The following TSPAN14 variants were observed in gnomAD, a reference collection of about 807,000 sequenced individuals.
TSPAN14 encodes tetraspanin-14.
A neutral mutation model predicts 36.6 loss-of-function variants in TSPAN14; 16 were observed. The observed-to-expected ratio is 0.44, with a 90% CI of 0.30 to 0.66. The LOEUF is 0.66. TSPAN14 is among the 30% of genes least tolerant of loss of function. The probability of loss-of-function intolerance (pLI) is 0.12; values close to 1 mark genes in which losing one functional copy is unlikely to be tolerated. For missense variants in TSPAN14, 231 were observed against 355.1 expected (o/e 0.65, Z 2.81); for synonymous variants, 139 against 143.8 (o/e 0.97, Z 0.24).
At chr10:80,478,485 T>C (rs1201546587) in intron 1 of TSPAN14, among the ~76,000 whole-genome samples, 4 of 152,154 alleles carry the variant, frequency 2.6e-5, no homozygotes, top group African/African-American at 9.7e-5. Flanking sequence ...TTAGCTTCTC[T>C]ATGGAGGGGC....
chr10:80,478,942 C>T (rs1847079729), intron 1 of TSPAN14, among the ~76,000 whole-genome samples: 1 of 152,284 alleles, frequency 6.6e-6, no homozygotes, highest in East Asian at 1.9e-4. Flanking sequence ...TCCACATCCT[C>T]TCCAGCACCT....
intron 1 of TSPAN14, among the ~76,000 whole-genome samples, chr10:80,455,972 C>G (rs1354484349): frequency 2.0e-5 from 3 of 152,180 alleles, no homozygotes; most frequent in African/African-American, 7.2e-5. Context: ...TGTGTTGCAC[C>G]CCAACTTCAG....
chr10:80,520,636 G>A (rs745876772), exon 9 of TSPAN14: 6 of 533,066 alleles, frequency 1.1e-5, no homozygotes, highest in Middle Eastern at 3.2e-4. Flanking sequence ...TTCCTGTCCC[G>A]TCTTCCTATC....
chr10:80,467,277 G>C (rs980558444), intron 1 of TSPAN14, among the ~76,000 whole-genome samples: 3 of 152,224 alleles, frequency 2.0e-5, no homozygotes, highest in African/African-American at 7.2e-5. Flanking sequence ...TGGGGTCCTC[G>C]TGGCCAAGAG....
chr10:80,481,165 C>A (rs1427290263), intron 1 of TSPAN14, among the ~76,000 whole-genome samples: 2 of 151,988 alleles, frequency 1.3e-5, no homozygotes, highest in Admixed American at 1.3e-4. Context: ...GAAAAACTTG[C>A]CTTTCACATT....
At chr10:80,466,214 A>G (rs1371297825) in intron 1 of TSPAN14, among the ~76,000 whole-genome samples, 1 of 152,184 alleles carries the variant, frequency 6.6e-6, no homozygotes, top group African/African-American at 2.4e-5. Flanking sequence ...ATCAAGAAGC[A>G]AGCCTCAGCC....
chr10:80,520,709 C>T (rs946520694), exon 9 of TSPAN14: 2 of 533,358 alleles, frequency 3.7e-6, no homozygotes, highest in African/African-American at 3.8e-5. Context: ...CCTTTCTTTC[C>T]CAGGCAGCTT....
intron 2 of TSPAN14, among the ~76,000 whole-genome samples, chr10:80,500,383 G>A (rs1306180261): frequency 9.3e-5 from 12 of 128,746 alleles, no homozygotes; most frequent in Admixed American, 9.2e-4. Flanking sequence ...AGGCTGGAGT[G>A]CAATGGCGTG....
chr10:80,502,439 G>A (rs941104759), intron 2 of TSPAN14, among the ~76,000 whole-genome samples: 5 of 152,186 alleles, frequency 3.3e-5, no homozygotes, highest in African/African-American at 9.7e-5. Flanking sequence ...ATCCAGACTC[G>A]AGTGGGTGGA....
At chr10:80,516,800 G>C (rs1840965643) in intron 8 of TSPAN14, among the ~76,000 whole-genome samples, 1 of 152,236 alleles carries the variant, frequency 6.6e-6, no homozygotes, top group Non-Finnish European at 1.5e-5. Flanking sequence ...CCCTGGGCTG[G>C]AGTTGTCAGG....
intron 7 of TSPAN14, among the ~76,000 whole-genome samples, chr10:80,515,112 A>G (rs1394139402): frequency 6.6e-6 from 1 of 152,214 alleles, no homozygotes; most frequent in East Asian, 1.9e-4. Context: ...ATAAGAACCT[A>G]TATCAACATC....
intron 2 of TSPAN14, among the ~76,000 whole-genome samples, chr10:80,502,684 G>A (rs554011898): frequency 3.5e-4 from 53 of 152,248 alleles, no homozygotes; most frequent in Admixed American, 1.2e-3. Context: ...CCAAGGCTGC[G>A]TAGTGGGGCA....
exon 9 of TSPAN14, chr10:80,519,212 C>T (rs1486179021): frequency 6.5e-6 from 1 of 152,842 alleles, no homozygotes; most frequent in African/African-American, 2.4e-5. Context: ...AGCCACAACC[C>T]CAGGCTGCAG....
chr10:80,454,600 C>G (rs1272727581), intron 1 of TSPAN14, among the ~76,000 whole-genome samples: 1 of 151,792 alleles, frequency 6.6e-6, no homozygotes, highest in African/African-American at 2.4e-5. Context: ...CCCGCTGAGC[C>G]GAACTCCGGC....
At chr10:80,518,828 C>T (rs1020943869) in exon 9 of TSPAN14, 1 of 152,994 alleles carries the variant, frequency 6.5e-6, no homozygotes. Context: ...CAGCATTCTC[C>T]TCTGAGCAGC....
intron 1 of TSPAN14, among the ~76,000 whole-genome samples, chr10:80,458,147 T>C (rs1589228253): frequency 6.6e-6 from 1 of 152,204 alleles, no homozygotes; most frequent in Non-Finnish European, 1.5e-5. Flanking sequence ...CAGGAGCAGG[T>C]AGCGATACCC....
intron 2 of TSPAN14, among the ~76,000 whole-genome samples, chr10:80,492,930 A>T (rs1323821212): frequency 6.6e-6 from 1 of 151,942 alleles, no homozygotes; most frequent in Non-Finnish European, 1.5e-5. Flanking sequence ...TTTTCCCGGG[A>T]TTGTTAAAAC....
intron 2 of TSPAN14, among the ~76,000 whole-genome samples, chr10:80,492,314 C>T (rs1847961778): frequency 6.6e-6 from 1 of 152,090 alleles, no homozygotes; most frequent in Non-Finnish European, 1.5e-5. Context: ...AAGCAAAGCC[C>T]AGGTAGATGA....
At chr10:80,494,751 C>T (rs1463539406) in intron 2 of TSPAN14, among the ~76,000 whole-genome samples, 4 of 152,178 alleles carry the variant, frequency 2.6e-5, no homozygotes, top group Non-Finnish European at 4.4e-5. Flanking sequence ...GTAATGCAGT[C>T]AAAAGGGAAA....
Sources: allele counts gnomAD v4.1 joint callset (sites outside exome capture counted in the v4.1 genomes callset), GRCh38; gene constraint gnomAD v4.1.1; transcripts MANE v1.5; gene names NCBI Gene and HGNC (gene_info 2026-07-23, HGNC 2026-07-21).